Variants in SOX5 observed in about 807,000 individuals in gnomAD.
SOX5 encodes transcription factor SOX-5.
A neutral mutation model predicts 92.0 loss-of-function variants in SOX5; 9 were observed. The observed-to-expected ratio is 0.10, with a 90% confidence interval of 0.06 to 0.17. SOX5 has a LOEUF of 0.17. Among genes scored for constraint, SOX5 ranks in the 10% least tolerant of loss-of-function variants. The probability of loss-of-function intolerance (pLI) is 1.00; values close to 1 mark genes in which losing one functional copy is unlikely to be tolerated. For synonymous variants in SOX5, 344 were observed against 336.3 expected, an observed-to-expected ratio of 1.02 and a Z score of -0.25; for missense variants, 642 against 944.5, an observed-to-expected ratio of 0.68 and a Z score of 4.20.
At chr12:24,261,187 A>G (rs75420929) in intron 3 of SOX5, among the ~76,000 whole-genome samples, 5,106 of 152,244 alleles carry the variant, frequency 0.034, 290 homozygotes, top group African/African-American at 0.12. Context: ...AACTATATCT[A>G]CAGCAAAAGC....
At chr12:24,388,446 T>G (rs1326120424) in intron 1 of SOX5, among the ~76,000 whole-genome samples, 1 of 152,082 alleles carries the variant, frequency 6.6e-6, no homozygotes, top group Non-Finnish European at 1.5e-5. Context: ...TGAAGGTGAC[T>G]GTCAGAGCAC....
At chr12:24,122,703 T>C (rs979721286) in intron 4 of SOX5, among the ~76,000 whole-genome samples, 9 of 152,206 alleles carry the variant, frequency 5.9e-5, no homozygotes, top group African/African-American at 2.2e-4. Flanking sequence ...TAAGTTATAA[T>C]AGCCTCTGGA....
intron 3 of SOX5, among the ~76,000 whole-genome samples, chr12:24,215,115 G>C (rs1053577263): frequency 6.6e-6 from 1 of 152,092 alleles, no homozygotes; most frequent in Non-Finnish European, 1.5e-5. Flanking sequence ...CCTCAACCTA[G>C]TAAAGACCAT....
chr12:23,982,584 G>A (rs1048317040), intron 4 of SOX5, among the ~76,000 whole-genome samples: 17 of 152,020 alleles, frequency 1.1e-4, no homozygotes, highest in African/African-American at 4.1e-4. Context: ...GAGATTCCTT[G>A]TAGTGGTCAC....
intron 2 of SOX5, among the ~76,000 whole-genome samples, chr12:24,332,806 A>T (rs1203783298): frequency 6.6e-6 from 1 of 152,084 alleles, no homozygotes; most frequent in African/African-American, 2.4e-5. Context: ...TCACAATTAC[A>T]TATTGGTTTC....
At chr12:24,381,207 A>C (rs1014707870) in intron 1 of SOX5, among the ~76,000 whole-genome samples, 4 of 152,216 alleles carry the variant, frequency 2.6e-5, no homozygotes, top group African/African-American at 9.7e-5. Flanking sequence ...ACGAAAAACC[A>C]AAACAACAAA....
chr12:24,531,484 C>T (rs1951191466), intron 1 of SOX5, among the ~76,000 whole-genome samples: 1 of 152,034 alleles, frequency 6.6e-6, no homozygotes, highest in African/African-American at 2.4e-5. Context: ...TATGACTATA[C>T]TATATATAGT....
intron 4 of SOX5, among the ~76,000 whole-genome samples, chr12:23,980,827 G>A (rs1237566179): frequency 3.9e-5 from 6 of 152,094 alleles, no homozygotes; most frequent in Non-Finnish European, 7.3e-5. Context: ...TGGAAACCAC[G>A]CTGAGGAAGA....
chr12:23,682,413 ATT>A (rs34490928), intron 6 of SOX5, among the ~76,000 whole-genome samples: 11,345 of 151,848 alleles, frequency 0.075, 537 homozygotes, highest in Non-Finnish European at 0.11. Context: ...TAAAAATACA[ATT>A]TGATTATTGA....
chr12:23,862,590 T>A (rs2096767829), intron 2 of SOX5, among the ~76,000 whole-genome samples: 1 of 152,232 alleles, frequency 6.6e-6, no homozygotes, highest in Non-Finnish European at 1.5e-5. Flanking sequence ...GTCTCTGACA[T>A]CAGCATTGAA....
At chr12:23,900,603 G>C (rs1015986813) in intron 1 of SOX5, among the ~76,000 whole-genome samples, 2 of 152,072 alleles carry the variant, frequency 1.3e-5, no homozygotes, top group Non-Finnish European at 2.9e-5. Flanking sequence ...GAGGGTGACC[G>C]GGTATCAGAA....
intron 1 of SOX5, among the ~76,000 whole-genome samples, chr12:24,508,861 A>G (rs1158444425): frequency 6.6e-6 from 1 of 152,216 alleles, no homozygotes; most frequent in Non-Finnish European, 1.5e-5. Context: ...TAAAGCTCAG[A>G]CTAAAAGGAG....
At chr12:24,100,971 T>C (rs1946023764) in intron 4 of SOX5, among the ~76,000 whole-genome samples, 1 of 152,118 alleles carries the variant, frequency 6.6e-6, no homozygotes, top group South Asian at 2.1e-4. Context: ...GCAATTACCA[T>C]CTCAGTCCAC....
At chr12:24,291,436 A>G (rs908356176) in intron 2 of SOX5, among the ~76,000 whole-genome samples, 2 of 152,216 alleles carry the variant, frequency 1.3e-5, no homozygotes, top group African/African-American at 4.8e-5. Flanking sequence ...ACTTCCATTA[A>G]CATAGTTAGA....
chr12:23,970,701 G>C (rs1259228942), intron 4 of SOX5, among the ~76,000 whole-genome samples: 2 of 148,280 alleles, frequency 1.3e-5, no homozygotes, highest in East Asian at 3.9e-4. Context: ...ATAAACACTT[G>C]GGTTGTTTCC....
chr12:24,399,496 C>G (rs1208688176), intron 1 of SOX5, among the ~76,000 whole-genome samples: 1 of 152,154 alleles, frequency 6.6e-6, no homozygotes, highest in Non-Finnish European at 1.5e-5. Flanking sequence ...AGAGCAAATT[C>G]TGTTCTTGGA....
Position 23,529,734 on chromosome 12 carries a change from G to A in SOX5, c.*4485C>T, listed in dbSNP as rs916835693. 1 of 151,882 alleles carries A rather than the reference G, an allele frequency of 6.6e-6. No individual in the cohort carries two copies. 9.4% of individuals were successfully genotyped at this position (151,882 alleles called of 1,614,324 possible). A position where few individuals can be genotyped will look rare whatever the true frequency, so the allele number is the denominator to read the frequency against. ...ATATACAACTTATATTACACTATGT[G>A]TTATGAACAAAATATAAATCTATAA... On this transcript the variant is annotated 3_prime_UTR_variant, in exon 15 of 15. Coordinates refer to ENST00000451604, the MANE Select transcript of SOX5 (RefSeq NM_006940.6).
At chr12:24,058,742 A>G (rs1400360346) in intron 4 of SOX5, among the ~76,000 whole-genome samples, 1 of 152,194 alleles carries the variant, frequency 6.6e-6, no homozygotes, top group Non-Finnish European at 1.5e-5. Flanking sequence ...AGGTAAAAAG[A>G]GTAAATGATC....
At chr12:24,450,905 T>C (rs1472218744) in intron 1 of SOX5, among the ~76,000 whole-genome samples, 1 of 151,640 alleles carries the variant, frequency 6.6e-6, no homozygotes, top group African/African-American at 2.4e-5. Context: ...AATCTTATTG[T>C]TTTGATTTTT....
Sources: gnomAD v4.1 joint callset for allele counts (sites outside exome capture counted in the v4.1 genomes callset) on GRCh38, gnomAD v4.1.1 for gene constraint, MANE v1.5 for transcripts, NCBI Gene and HGNC (gene_info 2026-07-23, HGNC 2026-07-21) for gene names.